Variants in PDPR observed in about 807,000 individuals in gnomAD.
PDPR encodes pyruvate dehydrogenase phosphatase regulatory subunit, mitochondrial.
In PDPR, 50 loss-of-function variants were observed where a neutral mutation model predicts 102.2. That is an observed-to-expected ratio of 0.49 (90% CI 0.39 to 0.62). The LOEUF is 0.62. Among genes scored for constraint, PDPR ranks in the 20% least tolerant of loss-of-function variants. The pLI is 0.00. For missense variants in PDPR, 625 were observed against 1,098.2 expected (o/e 0.57, Z 6.09); for synonymous variants, 259 against 406.0 (o/e 0.64, Z 4.35).
In PDPR at chr16:70,155,802, C is replaced by CTTTTTTTTTT. The variant is rs60054362; in HGVS notation, c.2236-665_2236-656dup. 1.5e-4 allele frequency among the ~76,000 whole-genome samples: 21 copies of CTTTTTTTTTT among 139,680 alleles called. 1 individual carries two copies. The highest frequency in any genetic ancestry group is 5.4e-4 in the African/African-American group (20 of 37,272). The allele number at this position is 139,680 out of a possible 152,430, so 91.6% of individuals were successfully genotyped here. A position where few individuals can be genotyped will look rare whatever the true frequency, so the allele number is the denominator to read the frequency against. On this transcript the variant is annotated intron_variant, in intron 18 of 18. Transcript: ENST00000288050. The stretch of plus-strand genomic sequence containing the variant: ...TCTTGTTGGGATTATATAAAAAAGT[C>CTTTTTTTTTT]TTTTTTTTTTTTTTTTTGAGACAGA...
In PDPR at chr16:70,120,442, G is replaced by A. The variant is rs1816024399; in HGVS notation, c.-32-19G>A. 5 of 1,349,608 alleles carry A rather than the reference G, an allele frequency of 3.7e-6. No individual in the cohort carries two copies. The highest frequency in any genetic ancestry group is 1.2e-5 in the South Asian group (1 of 83,004). The allele number at this position is 1,349,608 out of a possible 1,614,324, so 83.6% of individuals were successfully genotyped here. Reference sequence around the variant, plus strand: ...CACTGAGTAGAATGGCATGAAATATGTTTGGTTTCTCTGTCTAGTTTGAGT... The same window carrying A: ...CACTGAGTAGAATGGCATGAAATATATTTGGTTTCTCTGTCTAGTTTGAGT... On this transcript the variant is annotated intron_variant, in intron 2 of 18. Coordinates refer to ENST00000288050, the MANE Select transcript of PDPR (RefSeq NM_017990.5).
At chr16:70,129,389 G>T (rs971269397) in intron 6 of PDPR, among the ~76,000 whole-genome samples, 3 of 152,292 alleles carry the variant, frequency 2.0e-5, no homozygotes, top group Non-Finnish European at 4.4e-5. Context: ...TTTTCGCCCA[G>T]GCTGGAGTGC....
In PDPR at chr16:70,134,744, C is replaced by T. The variant is rs554758636; in HGVS notation, c.998-1450C>T. 6.0e-5 allele frequency among the ~76,000 whole-genome samples: 9 copies of T among 150,660 alleles called. No homozygotes were observed. The South Asian group carries it at 1.9e-3, about 31-fold the overall frequency. ...GAGGCTGCAGTGGGCTGAGATCGCACCACTGCACTCCAGCCTGGGTGACAG... is the reference window on the plus strand; with the variant it reads ...GAGGCTGCAGTGGGCTGAGATCGCATCACTGCACTCCAGCCTGGGTGACAG... On this transcript the variant is annotated intron_variant, in intron 9 of 18. Coordinates refer to ENST00000288050, the MANE Select transcript of PDPR (RefSeq NM_017990.5).
intron 2 of PDPR, among the ~76,000 whole-genome samples, chr16:70,116,082 G>A (rs1962607045): frequency 1.4e-5 from 2 of 147,160 alleles, no homozygotes; most frequent in Admixed American, 1.4e-4. Flanking sequence ...CTTTTTTGGC[G>A]CCAAGCACCC....
At chr16:70,148,285 C>A (rs1966401200) in intron 16 of PDPR, among the ~76,000 whole-genome samples, 179 bp from the exon 17 acceptor site, 1 of 152,262 alleles carries the variant, frequency 6.6e-6, no homozygotes, top group African/African-American at 2.4e-5. Flanking sequence ...AGGCAGTGCT[C>A]CATTCTCTGT....
intron 6 of PDPR, 41 bp from the exon 7 acceptor site, chr16:70,130,382 A>G: frequency 1.2e-6 from 2 of 1,608,460 alleles, no homozygotes; most frequent in Non-Finnish European, 8.5e-7. Context: ...TCATTCTGGA[A>G]CATCAGATGA....
intron 18 of PDPR, among the ~76,000 whole-genome samples, chr16:70,154,566 G>A (rs893682444): frequency 6.6e-6 from 1 of 152,274 alleles, no homozygotes; most frequent in Non-Finnish European, 1.5e-5. Flanking sequence ...GTTAATTATG[G>A]TGATGCATTA....
At chr16:70,130,307 A>G in intron 6 of PDPR, 116 bp from the exon 7 acceptor site, 1 of 1,190,116 alleles carries the variant, frequency 8.4e-7, no homozygotes, top group Non-Finnish European at 1.2e-6. Flanking sequence ...ATAAAAAAAT[A>G]AATTAAAGCA....
At position 70,158,266 on chromosome 16, in the gene PDPR, C is replaced by T. The variant is rs1269935902; in HGVS notation, c.*1387C>T. ...AATGCTTCATTTTCCCCTTGCATAT[C>T]AACTGCCCTAATCTGACTTTTTTTA... On this transcript the variant is annotated 3_prime_UTR_variant, in exon 19 of 19. Transcript: ENST00000288050. The T allele has an allele frequency of 6.6e-6, 1 of 152,458 alleles. No homozygotes were observed. The highest frequency in any genetic ancestry group is 1.5e-5 in the Non-Finnish European group (1 of 68,144). 9.4% of individuals were successfully genotyped at this position (152,458 alleles called of 1,614,324 possible).
intron 8 of PDPR, chr16:70,131,743 C>G (rs1415176230): frequency 1.0e-6 from 1 of 985,252 alleles, no homozygotes; most frequent in East Asian, 1.1e-4. Flanking sequence ...CATAGGTAAA[C>G]AATAGACTTA....
chr16:70,157,498 C>G lies in PDPR; in HGVS notation c.*619C>G, dbSNP rs895732056. On this transcript the variant is annotated 3_prime_UTR_variant, in exon 19 of 19. Transcript: ENST00000288050. ...TCTGTAGTGGAGACAAGCAGTTAACCTAGCACCATCCTCATCCTCCCTGCA... is the reference window on the plus strand; with the variant it reads ...TCTGTAGTGGAGACAAGCAGTTAACGTAGCACCATCCTCATCCTCCCTGCA... 3.1e-5 allele frequency: 9 copies of G among 286,028 alleles called. No individual in the cohort carries two copies. Among genetic ancestry groups the G allele is most frequent in the African/African-American group, 2.0e-4 (9 of 45,178 alleles). The allele number at this position is 286,028 out of a possible 1,614,324, so 17.7% of individuals were successfully genotyped here. A position where few individuals can be genotyped will look rare whatever the true frequency, so the allele number is the denominator to read the frequency against.
intron 4 of PDPR, among the ~76,000 whole-genome samples, chr16:70,128,310 C>T (rs1964187659): frequency 6.6e-6 from 1 of 152,250 alleles, no homozygotes; most frequent in South Asian, 2.1e-4. Context: ...CCACTGCAAC[C>T]TCCACCTCCT....
Position 70,156,703 on chromosome 16 carries a change from G to A in PDPR, c.2464G>A (p.Glu822Lys), listed in dbSNP as rs1967247537. ...VCLGFVHNFS[E>K]DTGEEQVVTA... is the part of the protein sequence containing the mutation. ...CCTGGGCTTTGTGCACAATTTTTCT[G>A]AGGACACGGGGGAAGAGCAAGTGGT... The change falls in exon 19 of 19, where the codon GAG becomes AAG. Residue 822 changes from glutamate to lysine, a missense_variant. Around this residue, in one of 11 missense-constraint regions of PDPR, gnomAD observed 303 missense variants for 258.9 expected, o/e 1.17. Transcript: ENST00000288050. The A allele has an allele frequency of 6.2e-7, 1 of 1,614,008 alleles. No homozygotes were observed. Among genetic ancestry groups the A allele is most frequent in the African/African-American group, 1.3e-5 (1 of 74,982 alleles).
At chr16:70,125,347 A>G (rs1449471615) in intron 3 of PDPR, among the ~76,000 whole-genome samples, 2 of 151,156 alleles carry the variant, frequency 1.3e-5, no homozygotes, top group Non-Finnish European at 2.9e-5. Flanking sequence ...TTGCACTCCA[A>G]TCTGAGTGAC....
At position 70,157,380 on chromosome 16, in the gene PDPR, G is replaced by A. The variant is rs1967339898; in HGVS notation, c.*501G>A. ...CTGCAGCCCGGCAGCTCGTTCTCCT[G>A]TTCTGCTGTGCTGTGGGCTGGCACT... On this transcript the variant is annotated 3_prime_UTR_variant, in exon 19 of 19. Transcript: ENST00000288050. 2.7e-6 allele frequency: 1 copy of A among 368,520 alleles called. No homozygotes were observed. The highest frequency in any genetic ancestry group is 3.6e-5 in the Admixed American group (1 of 27,742). 22.8% of individuals were successfully genotyped at this position (368,520 alleles called of 1,614,324 possible).
chr16:70,120,165 G>C, intron 2 of PDPR: 1 of 273,104 alleles, frequency 3.7e-6, no homozygotes, highest in Non-Finnish European at 7.2e-6. Flanking sequence ...TCCACTCGCC[G>C]CGGCCTCCCA....
intron 17 of PDPR, among the ~76,000 whole-genome samples, chr16:70,150,498 G>T (rs1966644375): frequency 6.6e-6 from 1 of 151,182 alleles, no homozygotes; most frequent in South Asian, 2.1e-4. Context: ...CTTGATGTTA[G>T]TCATACTACT....
intron 3 of PDPR, among the ~76,000 whole-genome samples, chr16:70,124,644 G>A (rs1318151761): frequency 1.3e-5 from 2 of 152,248 alleles, no homozygotes; most frequent in African/African-American, 4.8e-5. Flanking sequence ...GAGAGCCACT[G>A]TCAAAGCTGC....
intron 3 of PDPR, among the ~76,000 whole-genome samples, chr16:70,122,498 GT>G (rs1281390570): frequency 5.0e-4 from 76 of 152,370 alleles, no homozygotes; most frequent in African/African-American, 1.7e-3. Flanking sequence ...ACATCAGGAG[GT>G]GTATGGCTGT....
Sources: allele counts gnomAD v4.1 joint callset (sites outside exome capture counted in the v4.1 genomes callset), GRCh38; gene constraint gnomAD v4.1.1; regional missense constraint gnomAD v4.1.1; transcripts MANE v1.5; gene names NCBI Gene and HGNC (gene_info 2026-07-23, HGNC 2026-07-21).